Variants in ATAD1 observed in about 807,000 individuals in gnomAD.
ATAD1 encodes the protein outer mitochondrial transmembrane helix translocase.
A neutral mutation model predicts 42.7 loss-of-function variants in ATAD1; 18 were observed. The ratio of observed to expected loss-of-function variants is 0.42; its 90% CI spans 0.29 to 0.63. The LOEUF (loss-of-function observed/expected upper bound fraction) is 0.63, where lower values mean the gene tolerates loss of function less well. Ranked by LOEUF, ATAD1 falls within the 20% of genes least tolerant of loss-of-function variation. The pLI, the probability that ATAD1 is intolerant of heterozygous loss-of-function variation, is 0.19. For synonymous variants in ATAD1, 132 were observed against 143.1 expected (o/e 0.92, Z 0.55); for missense variants, 294 against 440.4 (o/e 0.67, Z 2.98).
intron 6 of ATAD1, among the ~76,000 whole-genome samples, chr10:87,771,553 T>C (rs922296067): frequency 2.6e-5 from 4 of 152,102 alleles, no homozygotes; most frequent in African/African-American, 4.8e-5. Context: ...TCTCTATATT[T>C]CACATCATCA....
chr10:87,839,928 TCC>T (rs1858001171), intron 1 of ATAD1, among the ~76,000 whole-genome samples: 1 of 152,220 alleles, frequency 6.6e-6, no homozygotes, highest in African/African-American at 2.4e-5. Context: ...TTCCATATTG[TCC>T]TTCACTTCAT....
chr10:87,819,729 T>C (rs1024792706), upstream of ATAD1, among the ~76,000 whole-genome samples: 2 of 152,208 alleles, frequency 1.3e-5, no homozygotes, highest in Non-Finnish European at 2.9e-5. Flanking sequence ...GGAACATAGG[T>C]CTGTCTAATT....
chr10:87,783,062 A>T (rs1564754308), intron 5 of ATAD1, among the ~76,000 whole-genome samples: 1 of 152,192 alleles, frequency 6.6e-6, no homozygotes, highest in Non-Finnish European at 1.5e-5. Context: ...GTTAAAGAGA[A>T]GCTTAGATTA....
intron 1 of ATAD1, among the ~76,000 whole-genome samples, chr10:87,834,309 T>C (rs1427769574): frequency 1.3e-5 from 2 of 152,212 alleles, no homozygotes; most frequent in African/African-American, 4.8e-5. Flanking sequence ...AAAAATAAAT[T>C]GGTAAATGTT....
intron 2 of ATAD1, among the ~76,000 whole-genome samples, chr10:87,807,450 G>C (rs1856977847): frequency 6.6e-6 from 1 of 152,068 alleles, no homozygotes; most frequent in African/African-American, 2.4e-5. Context: ...ATTCTCTCCA[G>C]CACGTTATTG....
intron 2 of ATAD1, among the ~76,000 whole-genome samples, chr10:87,809,202 G>C (rs1857065121): frequency 6.6e-6 from 1 of 152,054 alleles, no homozygotes; most frequent in East Asian, 1.9e-4. Context: ...CAGGGATTGG[G>C]ATACTGACCC....
intron 2 of ATAD1, among the ~76,000 whole-genome samples, chr10:87,811,781 C>T (rs1857196147): frequency 6.6e-6 from 1 of 152,136 alleles, no homozygotes; most frequent in African/African-American, 2.4e-5. Flanking sequence ...TCTGGATTGA[C>T]CTTTTTTCTG....
intron 8 of ATAD1, among the ~76,000 whole-genome samples, chr10:87,762,792 C>T (rs938231079): frequency 6.7e-5 from 10 of 150,178 alleles, no homozygotes; most frequent in East Asian, 6.0e-4. Context: ...AAAAGTCAAC[C>T]GGGCACGGTG....
chr10:87,779,870 G>C (rs1855486565), intron 5 of ATAD1, among the ~76,000 whole-genome samples: 1 of 152,170 alleles, frequency 6.6e-6, no homozygotes, highest in African/African-American at 2.4e-5. Flanking sequence ...AGTTATTGCT[G>C]GTGGAAATGC....
rs949475866 is a variant in ATAD1 at position 87,764,332 on chromosome 10, C to T, written c.831+3341G>A. On this transcript the variant is annotated intron_variant, in intron 8 of 9. Coordinates refer to ENST00000680024, the MANE Select transcript of ATAD1 (RefSeq NM_001321967.2). ...AAAAAATTGGCCAGGCATGGTGGCA[C>T]GTGCCTGTAATCCCAGCTACTCGGG... is the stretch of plus-strand genomic sequence containing the variant. Among the ~76,000 whole-genome samples, 9 of 152,010 alleles carry T rather than the reference C, an allele frequency of 5.9e-5. 1 individual carries two copies. Among genetic ancestry groups the T allele is most frequent in the Non-Finnish European group, 8.8e-5 (6 of 67,982 alleles).
rs182137441 is a variant in ATAD1, at chr10:87,758,615, A to C, written c.832-1693T>G. 2.0e-3 allele frequency among the ~76,000 whole-genome samples: 308 copies of C among 152,304 alleles called. 1 individual carries two copies. Among genetic ancestry groups the C allele is most frequent in the Middle Eastern group, 6.8e-3 (2 of 294 alleles). Reference sequence around the variant, plus strand: ...AAAAACAGTCTTTGTGTTACATTTGAAATAAAAACAAAGAAAAGCAGGAAG... The same window carrying C: ...AAAAACAGTCTTTGTGTTACATTTGCAATAAAAACAAAGAAAAGCAGGAAG... On this transcript the variant is annotated intron_variant, in intron 8 of 9. Coordinates refer to ENST00000680024, the MANE Select transcript of ATAD1 (RefSeq NM_001321967.2).
In ATAD1 at chr10:87,776,533, A is replaced by G. The variant is rs1005517052; in HGVS notation, c.584-106T>C. The G allele has an allele frequency of 8.9e-6, 7 of 785,956 alleles. No individual in the cohort carries two copies. In the African/African-American group the frequency reaches 1.2e-4, roughly 14 times the overall value. 48.7% of individuals were successfully genotyped at this position (785,956 alleles called of 1,614,324 possible). A position where few individuals can be genotyped will look rare whatever the true frequency, so the allele number is the denominator to read the frequency against. ...GCCCAGGCTGGGGTGCAATGGCGCAATTACAGCACATTGCAACCTCGAACT... is the reference window on the plus strand; with the variant it reads ...GCCCAGGCTGGGGTGCAATGGCGCAGTTACAGCACATTGCAACCTCGAACT... On this transcript the variant is annotated intron_variant, in intron 5 of 9. Transcript: ENST00000680024.
chr10:87,762,922 T>A (rs1229374064), intron 8 of ATAD1, among the ~76,000 whole-genome samples: 11 of 136,784 alleles, frequency 8.0e-5, no homozygotes, highest in African/African-American at 3.0e-4. Context: ...AAAAAAAATA[T>A]ATATATATAT....
chr10:87,812,288 T>C (rs1857220432), intron 2 of ATAD1, among the ~76,000 whole-genome samples: 1 of 152,226 alleles, frequency 6.6e-6, no homozygotes, highest in Non-Finnish European at 1.5e-5. Flanking sequence ...TTTATTTATT[T>C]ATTTTTGAGA....
chr10:87,785,198 A>G lies in ATAD1; in HGVS notation c.383-528T>C, dbSNP rs189863087. Among the ~76,000 whole-genome samples, 485 of 152,198 alleles carry G rather than the reference A, an allele frequency of 3.2e-3. 5 individuals are homozygous for G. The Middle Eastern group carries it at 0.078, about 25-fold the overall frequency. On this transcript the variant is annotated intron_variant, in intron 4 of 9. Coordinates refer to ENST00000680024, the MANE Select transcript of ATAD1 (RefSeq NM_001321967.2). ...CTCCTGTTTTAATTTCCAAAGAATA[A>G]AACTATATTATTAACCTATGGTCTC...
chr10:87,823,091 T>TA (rs879637993), upstream of ATAD1, among the ~76,000 whole-genome samples: 124 of 135,946 alleles, frequency 9.1e-4, no homozygotes, highest in Middle Eastern at 4.0e-3. Context: ...AGAAGAGAAC[T>TA]AAAAAAAAAA....
chr10:87,815,499 T>C (rs1857374827), intron 1 of ATAD1, among the ~76,000 whole-genome samples: 1 of 152,016 alleles, frequency 6.6e-6, no homozygotes. Context: ...TGCTGAATGC[T>C]ATGGGATATA....
chr10:87,770,762 A>G (rs1182786658), intron 7 of ATAD1, among the ~76,000 whole-genome samples, 190 bp downstream of exon 7: 1 of 148,348 alleles, frequency 6.7e-6, no homozygotes, highest in Admixed American at 6.7e-5. Context: ...AAGAGAAGCA[A>G]GTAACACTAA....
Position 87,754,801 on chromosome 10 carries a change from G to A in ATAD1, c.972C>T (p.Asp324=), listed in dbSNP as rs773067639. The A allele has an allele frequency of 1.6e-5, 26 of 1,611,394 alleles. 1 individual carries two copies. The highest frequency in any genetic ancestry group is 4.4e-5 in the South Asian group (4 of 90,844). Reference sequence around the variant, plus strand: ...GTTGAACAGGCCGAATTTCATCTTCGTCATGGCTAAAATGCAAACAAAACC... The same window carrying A: ...GTTGAACAGGCCGAATTTCATCTTCATCATGGCTAAAATGCAAACAAAACC... ...YVNSTSEESH[D]EDEIRPVQQQ... is the part of the protein sequence containing the mutation. The change falls in exon 10 of 10, where the codon GAC becomes GAT. Residue 324 remains aspartate (D), a synonymous_variant. Coordinates refer to ENST00000680024, the MANE Select transcript of ATAD1 (RefSeq NM_001321967.2).
Sources: allele counts gnomAD v4.1 joint callset (sites outside exome capture counted in the v4.1 genomes callset), GRCh38; gene constraint gnomAD v4.1.1; transcripts MANE v1.5; gene names NCBI Gene and HGNC (gene_info 2026-07-23, HGNC 2026-07-21).